TMPRSS9: variants seen among roughly 807,000 people sequenced by gnomAD.
The protein encoded by TMPRSS9 is transmembrane protease serine 9.
A neutral mutation model predicts 111.4 loss-of-function variants in TMPRSS9; 113 were observed. The ratio of observed to expected loss-of-function variants is 1.01; its 90% CI spans 0.87 to 1.19. TMPRSS9 has a LOEUF of 1.19. Ranked by LOEUF, TMPRSS9 falls within the 50% of genes most tolerant of loss-of-function variation. The probability of loss-of-function intolerance (pLI) is 0.00; values close to 1 mark genes in which losing one functional copy is unlikely to be tolerated. For missense variants in TMPRSS9, 1,803 were observed against 1,513.1 expected (o/e 1.19, Z -3.18); for synonymous variants, 805 against 659.1 (o/e 1.22, Z -3.39).
At chr19:2,408,819 TAC>T (rs146305631) in intron 8 of TMPRSS9, among the ~76,000 whole-genome samples, 189 bp downstream of exon 9, 51,513 of 148,494 alleles carry the variant, frequency 0.35, 9,931 homozygotes, top group African/African-American at 0.54. Flanking sequence ...TACTAAAAAA[TAC>T]ACACACACAC....
At chr19:2,405,268 T>C in intron 6 of TMPRSS9, 106 bp from the exon 8 acceptor site, 1 of 1,406,766 alleles carries the variant, frequency 7.1e-7, no homozygotes, top group Non-Finnish European at 9.3e-7. Context: ...AAGCATCTCT[T>C]TGAACTTAGG....
chr19:2,394,099 A>C (rs1376874425), intron 1 of TMPRSS9, among the ~76,000 whole-genome samples: 2 of 152,098 alleles, frequency 1.3e-5, no homozygotes, highest in Non-Finnish European at 2.9e-5. Context: ...GCTACTCGGG[A>C]AGCTAAGGCA....
rs752713119 is a variant in TMPRSS9, at chr19:2,425,983, T to TG, written c.3181dup (p.Val1061GlyfsTer3). On this transcript the variant is annotated frameshift_variant, in exon 18 of 18. Coordinates refer to ENST00000648592, the Ensembl canonical transcript of TMPRSS9. LOFTEE classifies it low-confidence loss of function (END_TRUNC). ...AGCCCTCTGGACGGTGGGTGCTAAC[T>TG]GGGGTCACTAGCTGGGGCTATGGCT... 1 of 1,608,384 alleles carries TG rather than the reference T, an allele frequency of 6.2e-7. No individual in the cohort carries two copies. Among genetic ancestry groups the TG allele is most frequent in the Non-Finnish European group, 8.5e-7 (1 of 1,178,196 alleles).
chr19:2,393,656 T>G (rs1599288782), intron 1 of TMPRSS9, among the ~76,000 whole-genome samples: 1 of 151,664 alleles, frequency 6.6e-6, no homozygotes, highest in African/African-American at 2.4e-5. Flanking sequence ...TCCCAGCACT[T>G]TGGGAGGCTG....
In TMPRSS9 at chr19:2,413,550, G is replaced by C. The variant is rs867745320; in HGVS notation, c.1255-150G>C. 41 of 822,532 alleles carry C rather than the reference G, an allele frequency of 5.0e-5. No homozygotes were observed. In the Middle Eastern group the frequency reaches 1.1e-3, roughly 23 times the overall value. 51.0% of individuals were successfully genotyped at this position (822,532 alleles called of 1,614,324 possible). A position where few individuals can be genotyped will look rare whatever the true frequency, so the allele number is the denominator to read the frequency against. ...CCACAGAAGAGGAAACAGGTTCTGA[G>C]ATGTCAATGATCAGCCCCAGGTGCT... is the stretch of plus-strand genomic sequence containing the variant. On this transcript the variant is annotated intron_variant, in intron 9 of 17. Coordinates refer to ENST00000648592, the Ensembl canonical transcript of TMPRSS9.
chr19:2,410,861 A>G (rs1971080253), intron 9 of TMPRSS9, among the ~76,000 whole-genome samples: 1 of 152,082 alleles, frequency 6.6e-6, no homozygotes, highest in South Asian at 2.1e-4. Flanking sequence ...CACCCAAGAA[A>G]CACCTCTTGT....
At chr19:2,360,719 G>T (rs1228935590) in intron 1 of TMPRSS9, among the ~76,000 whole-genome samples, 2 of 147,514 alleles carry the variant, frequency 1.4e-5, no homozygotes, top group South Asian at 2.1e-4. Flanking sequence ...TGCGGCGGGG[G>T]TTATGTGGAC....
intron 1 of TMPRSS9, among the ~76,000 whole-genome samples, chr19:2,394,081 T>C (rs1970657379): frequency 1.3e-5 from 2 of 152,192 alleles, no homozygotes; most frequent in South Asian, 4.2e-4. Flanking sequence ...CATGTGCCTG[T>C]AGTCCTAGCT....
At chr19:2,400,228 T>A (rs1001026825) in intron 4 of TMPRSS9, among the ~76,000 whole-genome samples, 2 of 152,242 alleles carry the variant, frequency 1.3e-5, no homozygotes, top group Non-Finnish European at 2.9e-5. Context: ...GAATCAAGGA[T>A]AAATGCTACA....
chr19:2,365,215 T>C lies in TMPRSS9; in HGVS notation c.-26+4855T>C, dbSNP rs531262361. On this transcript the variant is annotated intron_variant, in intron 1 of 17. Coordinates refer to the TMPRSS9 transcript ENST00000649857. ...GGCGTCTTCCCTCCCACACGATTAC[T>C]GACTCCTTTCTCCTCTGTCCACATT... Among the ~76,000 whole-genome samples, 5 of 152,240 alleles carry C rather than the reference T, an allele frequency of 3.3e-5. 1 individual carries two copies. Among genetic ancestry groups the C allele is most frequent in the Admixed American group, 3.3e-4 (5 of 15,284 alleles).
intron 6 of TMPRSS9, among the ~76,000 whole-genome samples, chr19:2,403,857 G>C (rs1249628815): frequency 2.0e-5 from 3 of 152,024 alleles, no homozygotes; most frequent in Non-Finnish European, 4.4e-5. Flanking sequence ...GCCGGGCGTG[G>C]TGGCGGGCGC....
intron 1 of TMPRSS9, among the ~76,000 whole-genome samples, chr19:2,381,907 A>G (rs560153402): frequency 6.6e-6 from 1 of 152,302 alleles, no homozygotes; most frequent in East Asian, 1.9e-4. Context: ...CAGTGGCGCA[A>G]TCTCAGCTCA....
chr19:2,394,017 A>G (rs1333568420), intron 1 of TMPRSS9, among the ~76,000 whole-genome samples: 3 of 151,938 alleles, frequency 2.0e-5, no homozygotes, highest in African/African-American at 7.3e-5. Context: ...CCTGGCCAAC[A>G]TGATGAAACC....
intron 14 of TMPRSS9, 138 bp from the exon 16 acceptor site, chr19:2,423,951 G>C: frequency 2.1e-6 from 2 of 939,258 alleles, no homozygotes; most frequent in Non-Finnish European, 1.4e-6. Flanking sequence ...TTCCTGCTGA[G>C]TTTTCCTGGG....
chr19:2,388,051 GAA>G (rs1466442336), upstream of TMPRSS9, among the ~76,000 whole-genome samples: 1 of 152,142 alleles, frequency 6.6e-6, no homozygotes, highest in Non-Finnish European at 1.5e-5. Context: ...GAGTGTGACA[GAA>G]AAAGAGTCTG....
chr19:2,383,646 A>ATTTTTTTTTTTTTTTT (rs1555676867), intron 1 of TMPRSS9, among the ~76,000 whole-genome samples: 1 of 146,872 alleles, frequency 6.8e-6, no homozygotes, highest in African/African-American at 2.5e-5. Context: ...TCTACAAAGA[A>ATTTTTTTTTTTTTTTT]ATTTTTTAAC....
upstream of TMPRSS9, among the ~76,000 whole-genome samples, chr19:2,387,754 G>T (rs1221928716): frequency 6.6e-6 from 1 of 151,888 alleles, no homozygotes; most frequent in Non-Finnish European, 1.5e-5. Context: ...CTTTAAAAAA[G>T]AAAAAATAAA....
chr19:2,410,296 C>G (rs746705220), exon 9 of TMPRSS9: 2 of 1,613,956 alleles, frequency 1.2e-6, no homozygotes, highest in African/African-American at 2.7e-5. Context: ...CACTGTGGAG[C>G]TGCTGGACCA....
exon 12 of TMPRSS9, chr19:2,416,702 C>T (rs1265221629): frequency 9.9e-6 from 16 of 1,613,194 alleles, no homozygotes; most frequent in African/African-American, 1.3e-5. Context: ...AGCCCCCTGG[C>T]CTTCAACAAA....
Sources: allele counts gnomAD v4.1 joint callset (sites outside exome capture counted in the v4.1 genomes callset), GRCh38; gene constraint gnomAD v4.1.1; transcripts MANE v1.5; gene names NCBI Gene and HGNC (gene_info 2026-07-23, HGNC 2026-07-21).